The following PAPLN variants were observed in gnomAD, a reference collection of about 807,000 sequenced individuals.
The protein encoded by PAPLN is papilin.
PAPLN carries 146 observed loss-of-function variants against 159.0 expected under a neutral mutation model. The ratio of observed to expected loss-of-function variants is 0.92; its 90% confidence interval spans 0.80 to 1.05. The LOEUF is 1.05. Ranked by LOEUF, PAPLN falls within the 50% of genes least tolerant of loss-of-function variation. PAPLN has a pLI of 0.00. For synonymous variants in PAPLN, 734 were observed against 702.9 expected (o/e 1.04, Z -0.70); for missense variants, 1,720 against 1,743.9 (o/e 0.99, Z 0.24).
In PAPLN at chr14:73,264,255, A is replaced by C; in HGVS notation, c.2906A>C (p.Gln969Pro). 1 of 1,613,970 alleles carries C rather than the reference A, an allele frequency of 6.2e-7. No homozygotes were observed. ...FDGSLIIHPL[Q>P]AEDAGTYSCG... ...GGATCCCTGATCATCCACCCCCTGCAGGCAGAGGACGCGGGCACCTACAGC... is the reference window on the plus strand; with the variant it reads ...GGATCCCTGATCATCCACCCCCTGCCGGCAGAGGACGCGGGCACCTACAGC... The change falls in exon 21 of 27, where the codon CAG (glutamine) becomes CCG (proline). Residue 969 changes from glutamine to proline, a missense_variant. Coordinates refer to ENST00000644200, the MANE Select transcript of PAPLN (RefSeq NM_001365906.3).
In PAPLN at chr14:73,265,537, A is replaced by C; in HGVS notation, c.3263+30A>C. The C allele has an allele frequency of 6.2e-7, 1 of 1,607,768 alleles. No homozygotes were observed. The highest frequency in any genetic ancestry group is 8.5e-7 in the Non-Finnish European group (1 of 1,176,654). Reference sequence around the variant, plus strand: ...ATTTGACTCCTCTCCCCTTCCTCCTATTCTGCCTCCAGCCCCACCTTATCC... The same window carrying C: ...ATTTGACTCCTCTCCCCTTCCTCCTCTTCTGCCTCCAGCCCCACCTTATCC... On this transcript the variant is annotated intron_variant, in intron 23 of 26. Transcript: ENST00000644200. This position sits in a 1 kb window ranked among gnomAD's most constrained non-coding sequence, Gnocchi z 4.1.
chr14:73,262,471 C>T lies in PAPLN; in HGVS notation c.2367C>T (p.Gly789=), dbSNP rs748839842. 2.2e-5 allele frequency: 36 copies of T among 1,609,336 alleles called. No homozygotes were observed. Among genetic ancestry groups the T allele is most frequent in the African/African-American group, 1.7e-4 (13 of 74,832 alleles). ...CNRFWYGGCH[G]NANNFASEQE... ...GCTTCTGGTATGGCGGCTGCCATGG[C>T]AATGCCAATAACTTTGCCTCGGAGC... is the stretch of plus-strand genomic sequence containing the variant. The change falls in exon 19 of 27, where the codon GGC becomes GGT. Residue 789 remains glycine, a synonymous_variant. Coordinates refer to ENST00000644200, the MANE Select transcript of PAPLN (RefSeq NM_001365906.3).
chr14:73,244,311 T>C (rs971745139), intron 2 of PAPLN: 1 of 224,946 alleles, frequency 4.4e-6, no homozygotes, highest in African/African-American at 2.3e-5. Flanking sequence ...TACATCACGG[T>C]TAACCTACAA....
Position 73,265,330 on chromosome 14 carries a change from C to T in PAPLN, c.3126-40C>T, listed in dbSNP as rs200747227. On this transcript the variant is annotated intron_variant, in intron 22 of 26. Transcript: ENST00000644200. The surrounding 1 kb of genome is among the most constrained non-coding windows in gnomAD (Gnocchi z 4.1). ...TGCCCATGGGAGTAGGCGGGGGCAACGGCAAGGGCCCCTCATGCTGTGGGC... is the reference window on the plus strand; with the variant it reads ...TGCCCATGGGAGTAGGCGGGGGCAATGGCAAGGGCCCCTCATGCTGTGGGC... The T allele has an allele frequency of 1.1e-4, 174 of 1,592,566 alleles. No individual in the cohort carries two copies. The East Asian group carries it at 3.4e-3, about 31-fold the overall frequency.
At chr14:73,236,446 G>T (rs1432039880), upstream of PAPLN, among the ~76,000 whole-genome samples, 1 of 152,116 alleles carries the variant, frequency 6.6e-6, no homozygotes, top group Non-Finnish European at 1.5e-5. Flanking sequence ...GTGGCACTTT[G>T]GCAGGCCACG....
rs1380500116 is a variant in PAPLN at position 73,262,797 on chromosome 14, C to T, written c.2693C>T (p.Pro898Leu). The T allele has an allele frequency of 3.3e-6, 5 of 1,495,294 alleles. No homozygotes were observed. Among genetic ancestry groups the T allele is most frequent in the East Asian group, 4.7e-5 (2 of 42,708 alleles). 92.6% of individuals were successfully genotyped at this position (1,495,294 alleles called of 1,614,324 possible). A position where few individuals can be genotyped will look rare whatever the true frequency, so the allele number is the denominator to read the frequency against. Residue 898 changes from proline (P) to leucine (L), a missense_variant, in exon 19 of 27, where the codon CCA becomes CTA. Transcript: ENST00000644200. ...APGLGGDAGS[P>L]APPFHSSSYR... ...GGACTGGGTGGAGATGCCGGATCAC[C>T]AGCGCCACCCTTCCACAGCTCCTCC... is the stretch of plus-strand genomic sequence containing the variant.
chr14:73,240,174 A>G (rs1185053662), intron 2 of PAPLN, among the ~76,000 whole-genome samples: 1 of 152,062 alleles, frequency 6.6e-6, no homozygotes, highest in Non-Finnish European at 1.5e-5. Flanking sequence ...CCATCCCACC[A>G]GACACCTGTC....
At chr14:73,239,727 A>G in intron 1 of PAPLN, 46 bp from the exon 2 acceptor site, 1 of 1,538,304 alleles carries the variant, frequency 6.5e-7, no homozygotes, top group African/African-American at 1.4e-5. Flanking sequence ...CGCCCAGGAC[A>G]GCTGCGGGAG....
rs148035618 is a variant in PAPLN, at chr14:73,272,736, G to T, written c.*72G>T. The T allele has an allele frequency of 8.9e-4, 1,225 of 1,378,858 alleles. 40 individuals carry two copies. In the Admixed American group the frequency reaches 0.029, roughly 33 times the overall value. The allele number at this position is 1,378,858 out of a possible 1,614,324, so 85.4% of individuals were successfully genotyped here. On this transcript the variant is annotated 3_prime_UTR_variant, in exon 27 of 27. Transcript: ENST00000644200. ...AGGGAGAAAGGAAGATGGACTCTTG[G>T]CTTCCTCTCTCTGGCTGGCAAAGGG...
At position 73,253,871 on chromosome 14, in the gene PAPLN, TGA is replaced by T. The variant is rs781713735; in HGVS notation, c.1214_1215del (p.Glu405ValfsTer15). ...AGIQEAVEEA[E>X]CAGLPGKPPA... is the part of the protein sequence containing the mutation. ...GCATCCAGGAGGCCGTGGAGGAGGC[TGA>T]GTGTGCCGGGCTGCCTGGGAAGCCC... On this transcript the variant is annotated frameshift_variant, in exon 12 of 27. Coordinates refer to ENST00000644200, the MANE Select transcript of PAPLN (RefSeq NM_001365906.3). LOFTEE classifies it high-confidence loss of function. 6.2e-7 allele frequency: 1 copy of T among 1,613,524 alleles called. No individual in the cohort carries two copies. Among genetic ancestry groups the T allele is most frequent in the South Asian group, 1.1e-5 (1 of 91,078 alleles).
intron 1 of PAPLN, 155 bp from the exon 2 acceptor site, chr14:73,239,618 G>A (rs1883313223): frequency 4.3e-6 from 6 of 1,384,776 alleles, no homozygotes; most frequent in Non-Finnish European, 5.6e-6. Context: ...CTCACGCTGT[G>A]TTCTCTGCGG....
Position 73,261,251 on chromosome 14 carries a change from A to T in PAPLN, c.2202A>T (p.Ala734=). 6.2e-7 allele frequency: 1 copy of T among 1,613,790 alleles called. No homozygotes were observed. The highest frequency in any genetic ancestry group is 8.5e-7 in the Non-Finnish European group (1 of 1,180,000). Residue 734 remains alanine (A), a synonymous_variant, in exon 18 of 27, where the codon GCA becomes GCT. Coordinates refer to ENST00000644200, the MANE Select transcript of PAPLN (RefSeq NM_001365906.3). ...FGCCYDNVAT[A]AGPLGEGCVG... ...GTTGCTATGACAACGTGGCCACTGC[A>T]GCCGGTCCTCTTGGGGAAGGCTGTG...
intron 18 of PAPLN, 133 bp downstream of exon 18, chr14:73,261,427 C>G (rs1230774316): frequency 3.1e-6 from 4 of 1,311,154 alleles, no homozygotes; most frequent in Non-Finnish European, 4.1e-6. Flanking sequence ...ATGTTGATTG[C>G]CTGCTAGGTG....
At position 73,272,783 on chromosome 14, in the gene PAPLN, A is replaced by G; in HGVS notation, c.*119A>G. On this transcript the variant is annotated 3_prime_UTR_variant, in exon 27 of 27. Transcript: ENST00000644200. ...AGGGAGTTATCTTCTGGAATACATT[A>G]GCTCTTTCAAAAACCCACCCAGTGT... 2 of 1,177,496 alleles carry G rather than the reference A, an allele frequency of 1.7e-6. No individual in the cohort carries two copies. Among genetic ancestry groups the G allele is most frequent in the Non-Finnish European group, 2.2e-6 (2 of 895,106 alleles). The allele number at this position is 1,177,496 out of a possible 1,614,324, so 72.9% of individuals were successfully genotyped here.
chr14:73,260,576 G>A lies in PAPLN; in HGVS notation c.1986-133G>A, dbSNP rs1413320924. On this transcript the variant is annotated intron_variant, in intron 16 of 26. Coordinates refer to ENST00000644200, the MANE Select transcript of PAPLN (RefSeq NM_001365906.3). ...ACACAAAATGGCCTGCCCTGCACAC[G>A]GGGACACGTCCTCTCCCCCCCAGGT... is the stretch of plus-strand genomic sequence containing the variant. 14 of 1,206,536 alleles carry A rather than the reference G, an allele frequency of 1.2e-5. No homozygotes were observed. The South Asian group carries it at 1.8e-4, about 16-fold the overall frequency. 74.7% of individuals were successfully genotyped at this position (1,206,536 alleles called of 1,614,324 possible). A position where few individuals can be genotyped will look rare whatever the true frequency, so the allele number is the denominator to read the frequency against.
At position 73,262,702 on chromosome 14, in the gene PAPLN, A is replaced by C; in HGVS notation, c.2598A>C (p.Pro866=). ...GGCGGCAAGACCAACAGCCTGGGCC[A>C]GGGGAGGCCCCCCACACCCAGGCCT... ...GLWRQDQQPG[P]GEAPHTQAFG... Residue 866 remains proline (P), a synonymous_variant, in exon 19 of 27, where the codon CCA becomes CCC. Transcript: ENST00000644200. The C allele has an allele frequency of 2.6e-6, 4 of 1,510,986 alleles. No homozygotes were observed. Among genetic ancestry groups the C allele is most frequent in the Non-Finnish European group, 3.5e-6 (4 of 1,131,418 alleles). 93.6% of individuals were successfully genotyped at this position (1,510,986 alleles called of 1,614,324 possible).
rs1170050508 is a variant in PAPLN, at chr14:73,251,490, C to T, written c.594C>T (p.Tyr198=). ...TFDANDLSRG[Y]NQILIVPMGA... Reference sequence around the variant, plus strand: ...CACCTGCGTCTCTGCCCCCAGGCTACAACCAGATCCTCATAGTTCCCATGG... The same window carrying T: ...CACCTGCGTCTCTGCCCCCAGGCTATAACCAGATCCTCATAGTTCCCATGG... The change falls in exon 8 of 27, where the codon TAC becomes TAT. Residue 198 remains tyrosine, a synonymous_variant. Coordinates refer to ENST00000644200, the MANE Select transcript of PAPLN (RefSeq NM_001365906.3). 1.2e-6 allele frequency: 2 copies of T among 1,606,650 alleles called. No individual in the cohort carries two copies. Among genetic ancestry groups the T allele is most frequent in the South Asian group, 2.2e-5 (2 of 91,084 alleles).
chr14:73,248,505 A>G (rs1884866920), intron 5 of PAPLN, among the ~76,000 whole-genome samples: 1 of 152,222 alleles, frequency 6.6e-6, no homozygotes. Flanking sequence ...ATATATTTAG[A>G]TAAATATAAA....
Position 73,268,585 on chromosome 14 carries a change from C to T in PAPLN, c.3529C>T (p.His1177Tyr). The change falls in exon 26 of 27, where the codon CAC (histidine) becomes TAC (tyrosine). Residue 1177 changes from histidine (H) to tyrosine (Y), a missense_variant. Transcript: ENST00000644200. ...CGGGCTACCTGTGCAGGCTGATGGC[C>T]ACCGTGTCCACCAGTCCCCAGATGG... ...RNGLPVQADG[H>Y]RVHQSPDGTL... The T allele has an allele frequency of 6.2e-7, 1 of 1,613,510 alleles. No individual in the cohort carries two copies. Among genetic ancestry groups the T allele is most frequent in the Non-Finnish European group, 8.5e-7 (1 of 1,179,668 alleles).
Sources: allele counts gnomAD v4.1 joint callset (sites outside exome capture counted in the v4.1 genomes callset), GRCh38; gene constraint gnomAD v4.1.1; non-coding constraint Gnocchi (gnomAD v3.1); transcripts MANE v1.5; gene names NCBI Gene and HGNC (gene_info 2026-07-23, HGNC 2026-07-21).